Variants in MME observed in about 807,000 individuals in gnomAD.
MME encodes membrane metalloendopeptidase.
A neutral mutation model predicts 113.2 loss-of-function variants in MME; 98 were observed. The ratio of observed to expected loss-of-function variants is 0.87; its 90% CI spans 0.74 to 1.02. The LOEUF (loss-of-function observed/expected upper bound fraction) is 1.02, where lower values mean the gene tolerates loss of function less well. MME is among the 50% of genes least tolerant of loss of function. MME has a pLI of 0.00. For missense variants in MME, 836 were observed against 896.0 expected, an observed-to-expected ratio of 0.93 and a Z score of 0.86; for synonymous variants, 292 against 300.6, an observed-to-expected ratio of 0.97 and a Z score of 0.30.
chr3:155,057,922 C>G (rs1419712653), intron 1 of MME, among the ~76,000 whole-genome samples: 1 of 152,032 alleles, frequency 6.6e-6, no homozygotes, highest in East Asian at 1.9e-4. Flanking sequence ...CTAAATTATT[C>G]TTTTGTACAT....
upstream of MME, among the ~76,000 whole-genome samples, chr3:155,077,858 A>ATT (rs113892746): frequency 1.3e-5 from 2 of 149,758 alleles, no homozygotes; most frequent in African/African-American, 4.9e-5. Context: ...CTAAGTAGGC[A>ATT]TTTTTTTTTT....
At chr3:155,083,095 C>T (rs1470195668) in intron 1 of MME, among the ~76,000 whole-genome samples, 2 of 152,110 alleles carry the variant, frequency 1.3e-5, no homozygotes, top group Non-Finnish European at 2.9e-5. Flanking sequence ...TCACTAGGCC[C>T]CTGATGAAAT....
At chr3:155,077,893 T>C (rs546153661), upstream of MME, among the ~76,000 whole-genome samples, 1 of 151,844 alleles carries the variant, frequency 6.6e-6, no homozygotes, top group African/African-American at 2.4e-5. Context: ...TTTAAGTAAA[T>C]CCTTTTTTTT....
intron 22 of MME, among the ~76,000 whole-genome samples, chr3:155,175,783 A>G (rs902710954): frequency 5.9e-5 from 9 of 152,088 alleles, no homozygotes; most frequent in Admixed American, 2.0e-4. Context: ...GTCAACTAAT[A>G]TGGCTATTTT....
At chr3:155,095,039 T>C (rs1452703366) in intron 3 of MME, among the ~76,000 whole-genome samples, 2 of 152,206 alleles carry the variant, frequency 1.3e-5, no homozygotes, top group Non-Finnish European at 2.9e-5. Context: ...AAAATAAGGT[T>C]GAGAAGCACT....
intron 1 of MME, among the ~76,000 whole-genome samples, chr3:155,071,971 C>G (rs972804536): frequency 1.1e-4 from 17 of 151,846 alleles, no homozygotes; most frequent in African/African-American, 4.1e-4. Context: ...ACCATCCTGG[C>G]TAACAAGGTG....
intron 1 of MME, among the ~76,000 whole-genome samples, chr3:155,041,837 A>G (rs1451292179): frequency 1.3e-5 from 2 of 152,156 alleles, no homozygotes; most frequent in East Asian, 3.9e-4. Flanking sequence ...TTAAATATCA[A>G]AGACCCAAGA....
At chr3:155,038,770 AT>A (rs1258239155) in intron 1 of MME, among the ~76,000 whole-genome samples, 2 of 151,834 alleles carry the variant, frequency 1.3e-5, no homozygotes, top group Non-Finnish European at 2.9e-5. Flanking sequence ...CTCAGCATAC[AT>A]TTTTTTTCTT....
At chr3:155,146,758 G>A (rs1312485345) in intron 14 of MME, among the ~76,000 whole-genome samples, 1 of 151,890 alleles carries the variant, frequency 6.6e-6, no homozygotes, top group Non-Finnish European at 1.5e-5. Flanking sequence ...AATCAATGAG[G>A]CAGAAAGGTA....
intron 1 of MME, among the ~76,000 whole-genome samples, chr3:155,046,440 C>A (rs1186006833): frequency 1.3e-5 from 2 of 152,152 alleles, no homozygotes; most frequent in Non-Finnish European, 2.9e-5. Context: ...GTAATCCCAG[C>A]ACTTTGGGAG....
chr3:155,028,447 G>A (rs74581838), intron 1 of MME, among the ~76,000 whole-genome samples: 2,107 of 152,258 alleles, frequency 0.014, 28 homozygotes, highest in Non-Finnish European at 0.022. Context: ...AAGGCAGGAG[G>A]CAATGTGGCT....
At chr3:155,118,853 T>A in intron 8 of MME, 42 bp downstream of exon 8, 1 of 1,249,348 alleles carries the variant, frequency 8.0e-7, no homozygotes, top group South Asian at 1.3e-5. Context: ...TACAAAATGA[T>A]CTGGTGTAAA....
intron 1 of MME, among the ~76,000 whole-genome samples, chr3:155,058,383 C>G (rs554087683): frequency 6.6e-6 from 1 of 152,196 alleles, no homozygotes; most frequent in East Asian, 1.9e-4. Flanking sequence ...TGGACAAAGT[C>G]CAGTTCTAAA....
chr3:155,139,677 C>T (rs1044481163), intron 9 of MME, among the ~76,000 whole-genome samples: 8 of 152,176 alleles, frequency 5.3e-5, no homozygotes, highest in Admixed American at 5.2e-4. Flanking sequence ...TCTCAGATAA[C>T]TTGCAACCAA....
At chr3:155,026,391 A>G (rs865982235) in intron 1 of MME, among the ~76,000 whole-genome samples, 2 of 152,128 alleles carry the variant, frequency 1.3e-5, no homozygotes, top group Admixed American at 6.5e-5. Context: ...TAGTCCCTCA[A>G]GGTCAAAGAC....
chr3:155,139,301 C>T (rs1000092376), intron 9 of MME, among the ~76,000 whole-genome samples: 1 of 152,136 alleles, frequency 6.6e-6, no homozygotes, highest in African/African-American at 2.4e-5. Context: ...TATATTCTCA[C>T]TCTTGTATTA....
chr3:155,037,594 T>G (rs1401013887), intron 1 of MME, among the ~76,000 whole-genome samples: 1 of 152,100 alleles, frequency 6.6e-6, no homozygotes, highest in Non-Finnish European at 1.5e-5. Flanking sequence ...GGAACTCAAT[T>G]GTTTAGGGCT....
chr3:155,180,322 T>G (rs755575483), intron 22 of MME, 38 bp from the exon 23 acceptor site: 2 of 1,474,656 alleles, frequency 1.4e-6, no homozygotes, highest in Non-Finnish European at 1.9e-6. Flanking sequence ...GACGTGAGTA[T>G]CAAATGCTGA....
upstream of MME, among the ~76,000 whole-genome samples, chr3:155,075,959 A>C (rs1202610155): frequency 6.6e-6 from 1 of 152,136 alleles, no homozygotes; most frequent in Non-Finnish European, 1.5e-5. Context: ...TTATGTTGTT[A>C]CTATATTCTT....
Sources: gnomAD v4.1 joint callset for allele counts (sites outside exome capture counted in the v4.1 genomes callset) on GRCh38, gnomAD v4.1.1 for gene constraint, MANE v1.5 for transcripts, NCBI Gene and HGNC (gene_info 2026-07-23, HGNC 2026-07-21) for gene names.